PTPRM: variants seen among roughly 807,000 people sequenced by gnomAD.
The protein encoded by PTPRM is receptor-type tyrosine-protein phosphatase mu.
A neutral mutation model predicts 186.7 loss-of-function variants in PTPRM; 47 were observed. That is an observed-to-expected ratio of 0.25 (90% CI 0.20 to 0.32). PTPRM has a LOEUF of 0.32. Ranked by LOEUF, PTPRM falls within the 10% of genes least tolerant of loss-of-function variation. The pLI, the probability that PTPRM is intolerant of heterozygous loss-of-function variation, is 1.00. For synonymous variants in PTPRM, 668 were observed against 674.9 expected (o/e 0.99, Z 0.16); for missense variants, 1,494 against 1,865.0 (o/e 0.80, Z 3.66).
chr18:7,769,817 G>T (rs1023320537), intron 1 of PTPRM, among the ~76,000 whole-genome samples: 3 of 152,070 alleles, frequency 2.0e-5, no homozygotes, highest in Non-Finnish European at 4.4e-5. Context: ...CCTGTGTGTT[G>T]TATTCAAAGT....
intron 20 of PTPRM, among the ~76,000 whole-genome samples, chr18:8,302,015 G>A (rs1237287168): frequency 6.6e-6 from 1 of 152,242 alleles, no homozygotes; most frequent in Non-Finnish European, 1.5e-5. Flanking sequence ...GGTGGGAGAT[G>A]CAGGGACTCT....
intron 2 of PTPRM, among the ~76,000 whole-genome samples, chr18:7,799,271 A>T (rs1302524898): frequency 2.0e-5 from 3 of 152,154 alleles, no homozygotes; most frequent in African/African-American, 7.2e-5. Flanking sequence ...AGCTTCTTTT[A>T]TAAGGACATG....
chr18:8,032,935 A>C (rs2086082626), intron 7 of PTPRM, among the ~76,000 whole-genome samples: 1 of 152,058 alleles, frequency 6.6e-6, no homozygotes, highest in African/African-American at 2.4e-5. Flanking sequence ...CCTTGGAAGT[A>C]CTAAAAAAAA....
At chr18:7,749,094 T>C (rs2041085992) in intron 1 of PTPRM, 1 of 152,224 alleles carries the variant, frequency 6.6e-6, no homozygotes, top group Non-Finnish European at 1.5e-5. Flanking sequence ...GCTGCTCTCA[T>C]GCTTGCCTTT....
intron 26 of PTPRM, 47 bp from the exon 27 acceptor site, chr18:8,378,218 T>C: frequency 6.5e-7 from 1 of 1,539,904 alleles, no homozygotes; most frequent in Admixed American, 1.7e-5. Flanking sequence ...TCTTTCCTCC[T>C]TCTCTGGTTC....
At chr18:8,004,626 A>T (rs964321357) in intron 7 of PTPRM, among the ~76,000 whole-genome samples, 4 of 152,124 alleles carry the variant, frequency 2.6e-5, no homozygotes, top group Non-Finnish European at 4.4e-5. Context: ...AGCCGATGGC[A>T]TCAGGAAAGG....
intron 2 of PTPRM, among the ~76,000 whole-genome samples, chr18:7,866,784 G>A (rs1484958507): frequency 6.6e-6 from 1 of 152,118 alleles, no homozygotes; most frequent in Non-Finnish European, 1.5e-5. Context: ...ATTGACAGTG[G>A]GGTGTTAAAG....
chr18:8,399,527 A>G (rs2148628815), intron 32 of PTPRM, among the ~76,000 whole-genome samples: 1 of 152,314 alleles, frequency 6.6e-6, no homozygotes, highest in East Asian at 1.9e-4. Flanking sequence ...AACATCAAAA[A>G]CAACAAAAAA....
At position 7,954,335 on chromosome 18, in the gene PTPRM, T is replaced by C. The variant is rs541135210; in HGVS notation, c.839-786T>C. ...CAGAGCTTTCCTTTCTATTCACTGC[T>C]TTAGTAAGACTTACTACTGGAAGTT... On this transcript the variant is annotated intron_variant, in intron 6 of 32. Transcript: ENST00000580170. 5.3e-5 allele frequency among the ~76,000 whole-genome samples: 8 copies of C among 152,352 alleles called. No individual in the cohort carries two copies. In the South Asian group the frequency reaches 1.4e-3, roughly 28 times the overall value.
chr18:8,164,517 T>A (rs963516581), intron 14 of PTPRM, among the ~76,000 whole-genome samples: 1 of 152,198 alleles, frequency 6.6e-6, no homozygotes, highest in African/African-American at 2.4e-5. Flanking sequence ...TATTCAGTCT[T>A]AAAAAGGAAG....
intron 11 of PTPRM, among the ~76,000 whole-genome samples, chr18:8,106,418 C>T (rs1230775464): frequency 3.3e-5 from 5 of 152,042 alleles, no homozygotes; most frequent in African/African-American, 1.2e-4. Flanking sequence ...AACATTTGGG[C>T]ACTTGGTTCA....
intron 1 of PTPRM, among the ~76,000 whole-genome samples, chr18:7,595,378 G>C (rs537358630): frequency 1.3e-5 from 2 of 152,120 alleles, no homozygotes; most frequent in Non-Finnish European, 2.9e-5. Context: ...TGCAAAATGC[G>C]CCTCTAGGTA....
chr18:7,901,587 A>G (rs1196125186), intron 3 of PTPRM, among the ~76,000 whole-genome samples: 1 of 152,120 alleles, frequency 6.6e-6, no homozygotes, highest in Non-Finnish European at 1.5e-5. Context: ...GATGGGCTCG[A>G]TCCCTTGACC....
chr18:7,621,100 A>G (rs201399965), intron 1 of PTPRM, among the ~76,000 whole-genome samples: 9 of 152,206 alleles, frequency 5.9e-5, no homozygotes, highest in Non-Finnish European at 1.3e-4. Context: ...GTATGCTGCA[A>G]TATTCTAAGG....
At chr18:7,986,490 T>G (rs1161363578) in intron 7 of PTPRM, among the ~76,000 whole-genome samples, 1 of 152,146 alleles carries the variant, frequency 6.6e-6, no homozygotes, top group African/African-American at 2.4e-5. Flanking sequence ...TAGCATTGTT[T>G]TGGTGAGGAT....
chr18:8,269,644 G>A (rs1193087292), intron 19 of PTPRM, among the ~76,000 whole-genome samples: 1 of 151,984 alleles, frequency 6.6e-6, no homozygotes, highest in Non-Finnish European at 1.5e-5. Flanking sequence ...TTTATTGCAA[G>A]CTACAGTAAT....
intron 7 of PTPRM, among the ~76,000 whole-genome samples, chr18:7,979,011 T>C (rs974957306): frequency 2.0e-5 from 3 of 152,252 alleles, no homozygotes; most frequent in Non-Finnish European, 4.4e-5. Context: ...GCAAAGAAAA[T>C]TGAATGTTGC....
chr18:8,040,005 AGTTACG>A (rs1425222379), intron 7 of PTPRM, among the ~76,000 whole-genome samples: 1 of 152,200 alleles, frequency 6.6e-6, no homozygotes, highest in Non-Finnish European at 1.5e-5. Flanking sequence ...CAATAGAACA[AGTTACG>A]GTTAGACATT....
chr18:7,812,969 G>T (rs942669846), intron 2 of PTPRM, among the ~76,000 whole-genome samples: 8 of 152,192 alleles, frequency 5.3e-5, no homozygotes, highest in African/African-American at 1.9e-4. Context: ...ACCTGACATG[G>T]CTTCTTTGTG....
Sources: gnomAD v4.1 joint callset for allele counts (sites outside exome capture counted in the v4.1 genomes callset) on GRCh38, gnomAD v4.1.1 for gene constraint, MANE v1.5 for transcripts, NCBI Gene and HGNC (gene_info 2026-07-23, HGNC 2026-07-21) for gene names.